TBC1D31: variants seen among roughly 807,000 people sequenced by gnomAD.
TBC1D31 encodes TBC1 domain family member 31, also known as WD repeat domain 67.
A neutral mutation model predicts 132.9 loss-of-function variants in TBC1D31; 99 were observed. That is an observed-to-expected ratio of 0.74 (90% CI 0.63 to 0.88). TBC1D31 has a LOEUF of 0.88. TBC1D31 is among the 40% of genes least tolerant of loss of function. The pLI, the probability that TBC1D31 is intolerant of heterozygous loss-of-function variation, is 0.00. For missense variants in TBC1D31, 1,134 were observed against 1,256.6 expected, an observed-to-expected ratio of 0.90 and a Z score of 1.48; for synonymous variants, 385 against 419.4, an observed-to-expected ratio of 0.92 and a Z score of 1.00.
At chr8:123,139,722 C>G (rs531539610) in intron 17 of TBC1D31, among the ~76,000 whole-genome samples, 54 of 152,278 alleles carry the variant, frequency 3.5e-4, no homozygotes, top group African/African-American at 1.2e-3. Flanking sequence ...TTCCAGGAAC[C>G]TATCAGCTTT....
chr8:123,075,774 CTATTGT>C (rs1814447764), intron 1 of TBC1D31, among the ~76,000 whole-genome samples: 1 of 151,894 alleles, frequency 6.6e-6, no homozygotes, highest in Non-Finnish European at 1.5e-5. Context: ...TGATTAAAAA[CTATTGT>C]TGCAATAAAG....
Position 123,120,200 on chromosome 8 carries a change from C to A in TBC1D31, c.1570+12C>A. 6.3e-7 allele frequency: 1 copy of A among 1,585,490 alleles called. No individual in the cohort carries two copies. On this transcript the variant is annotated intron_variant, in intron 11 of 21. Transcript: ENST00000287380. ...TGCTACTCTCATAAGTAAGTAAATA[C>A]TTGTTAAAGTATAAGATCAAGAATG...
At chr8:123,106,241 G>T (rs899252473) in intron 8 of TBC1D31, among the ~76,000 whole-genome samples, 1 of 152,134 alleles carries the variant, frequency 6.6e-6, no homozygotes, top group African/African-American at 2.4e-5. Flanking sequence ...ATTGCACACC[G>T]TTCTGAGTAG....
At position 123,077,223 on chromosome 8, in the gene TBC1D31, G is replaced by A. The variant is rs1814620193; in HGVS notation, c.190G>A (p.Gly64Arg). The change falls in exon 2 of 22, where the codon GGA (glycine) becomes AGA (arginine). Residue 64 changes from glycine (G) to arginine (R), a missense_variant. By Grantham distance (125) the Gly-to-Arg change is moderately radical. Transcript: ENST00000287380. ...CTGCTTAATTGCTGGGGACCACCAA[G>A]GAAATATTTATGTTTTTGACTTACA... The part of the protein sequence containing the change: ...GDCLIAGDHQ[G>R]NIYVFDLHGN... 2 of 1,612,074 alleles carry A rather than the reference G, an allele frequency of 1.2e-6. No individual in the cohort carries two copies. The highest frequency in any genetic ancestry group is 4.5e-5 in the East Asian group (2 of 44,762).
chr8:123,119,754 C>T (rs775082160), intron 10 of TBC1D31, among the ~76,000 whole-genome samples: 7 of 152,166 alleles, frequency 4.6e-5, no homozygotes, highest in Admixed American at 1.3e-4. Flanking sequence ...TGTATCGGTA[C>T]GAAGCTATCA....
Position 123,152,076 on chromosome 8 carries a change from TATTTA to T in TBC1D31, c.*141_*145del, listed in dbSNP as rs1413374332. 2.4e-6 allele frequency: 2 copies of T among 836,144 alleles called. No homozygotes were observed. Among genetic ancestry groups the T allele is most frequent in the Admixed American group, 4.2e-5 (1 of 24,064 alleles). The allele number at this position is 836,144 out of a possible 1,614,324, so 51.8% of individuals were successfully genotyped here. ...AAATGTGTCTATAAAAATTATGTGT[TATTTA>T]ATTCTGATACTTTTTGGCTTGTAAA... On this transcript the variant is annotated 3_prime_UTR_variant, in exon 22 of 22. Coordinates refer to ENST00000287380, the MANE Select transcript of TBC1D31 (RefSeq NM_145647.4).
In TBC1D31 at chr8:123,077,178, G is replaced by A. The variant is rs1563662411; in HGVS notation, c.145G>A (p.Ala49Thr). Reference sequence around the variant, plus strand: ...AAAAGTTTTGCGATTTTTGAATGTGGCTTTTGATGGCACAGGCGACTGCTT... The same window carrying A: ...AAAAGTTTTGCGATTTTTGAATGTGACTTTTGATGGCACAGGCGACTGCTT... ...HPKVLRFLNV[A>T]FDGTGDCLIA... The change falls in exon 2 of 22, where the codon GCT becomes ACT. Residue 49 changes from alanine to threonine, a missense_variant. Ala to Thr is a moderately conservative substitution (Grantham distance 58, BLOSUM62 0). Transcript: ENST00000287380. 1 of 1,612,830 alleles carries A rather than the reference G, an allele frequency of 6.2e-7. No homozygotes were observed. Among genetic ancestry groups the A allele is most frequent in the Non-Finnish European group, 8.5e-7 (1 of 1,179,522 alleles).
rs999972229 is a variant in TBC1D31, at chr8:123,152,125, A to G, written c.*186A>G. On this transcript the variant is annotated 3_prime_UTR_variant, in exon 22 of 22. Transcript: ENST00000287380. ...TTGTAAATGGCTTCTTGAACTTTTT[A>G]CAATAAAAATGTTTTAGAAACTGTT... 1.4e-5 allele frequency: 7 copies of G among 498,796 alleles called. No individual in the cohort carries two copies. In the East Asian group the frequency reaches 2.5e-4, roughly 18 times the overall value. 30.9% of individuals were successfully genotyped at this position (498,796 alleles called of 1,614,324 possible). A position where few individuals can be genotyped will look rare whatever the true frequency, so the allele number is the denominator to read the frequency against.
chr8:123,159,082 G>A, the TBC1D31 span, among the ~76,000 whole-genome samples: 2 of 152,228 alleles, frequency 1.3e-5, no homozygotes, highest in Non-Finnish European at 2.9e-5. Context: ...CCTAGATCCA[G>A]CTGTTTCTCC....
rs1249613847 is a variant in TBC1D31, at chr8:123,102,058, A to G, written c.1032+1051A>G. ...CATTATCCCCATAGACACCATCCTT[A>G]TTTCTGCATCTATTATCCACACCAT... On this transcript the variant is annotated intron_variant, in intron 7 of 21. Transcript: ENST00000287380. Among the ~76,000 whole-genome samples, 6 of 151,974 alleles carry G rather than the reference A, an allele frequency of 3.9e-5. No individual in the cohort carries two copies. In the East Asian group the frequency reaches 9.6e-4, roughly 24 times the overall value.
the TBC1D31 span, among the ~76,000 whole-genome samples, chr8:123,158,126 C>T: frequency 0.027 from 4,109 of 151,484 alleles, 208 homozygotes; most frequent in African/African-American, 0.094. Context: ...CCTTTCACTC[C>T]CCTCCCCTTC....
chr8:123,162,075 T>C, the TBC1D31 span, among the ~76,000 whole-genome samples: 9 of 146,766 alleles, frequency 6.1e-5, no homozygotes, highest in Admixed American at 6.1e-4. Context: ...ATGGATTCCA[T>C]ACAAACCAAA....
chr8:123,145,692 TA>T (rs11434734), intron 20 of TBC1D31, among the ~76,000 whole-genome samples: 360 of 141,388 alleles, frequency 2.5e-3, no homozygotes, highest in Middle Eastern at 7.1e-3. Flanking sequence ...CCTGTCTCTT[TA>T]AAAAAAAAAA....
intron 20 of TBC1D31, among the ~76,000 whole-genome samples, chr8:123,149,138 C>T (rs943299660): frequency 7.2e-5 from 11 of 152,220 alleles, no homozygotes; most frequent in African/African-American, 9.7e-5. Context: ...TCCGCAGAAA[C>T]CGTTCTCTGG....
chr8:123,081,977 TTTC>T (rs1286104515), intron 2 of TBC1D31, among the ~76,000 whole-genome samples: 1 of 152,226 alleles, frequency 6.6e-6, no homozygotes, highest in Non-Finnish European at 1.5e-5. Context: ...ATTTTACCTG[TTTC>T]TTCTTACTTT....
Position 123,116,573 on chromosome 8 carries a change from A to T in TBC1D31, c.1437-3482A>T, listed in dbSNP as rs1367431088. Among the ~76,000 whole-genome samples, 3 of 152,350 alleles carry T rather than the reference A, an allele frequency of 2.0e-5. No homozygotes were observed. In the East Asian group the frequency reaches 5.8e-4, roughly 29 times the overall value. On this transcript the variant is annotated intron_variant, in intron 10 of 21. Transcript: ENST00000287380. ...GAATATAGATATGCATGTATGCAGG[A>T]GTTAGTATACATGCATATATTGCCA...
chr8:123,088,812 C>G (rs1054204821), intron 4 of TBC1D31, among the ~76,000 whole-genome samples: 1 of 152,048 alleles, frequency 6.6e-6, no homozygotes, highest in Non-Finnish European at 1.5e-5. Flanking sequence ...TTTCTCATGA[C>G]ATTAATTTTC....
At chr8:123,076,002 T>C (rs190538460) in intron 1 of TBC1D31, among the ~76,000 whole-genome samples, 121 of 152,360 alleles carry the variant, frequency 7.9e-4, no homozygotes, top group Admixed American at 6.5e-3. Context: ...GTCTAAAAGA[T>C]AGAAAAGTAG....
chr8:123,074,590 A>C (rs1161757498), intron 1 of TBC1D31, among the ~76,000 whole-genome samples: 1 of 152,238 alleles, frequency 6.6e-6, no homozygotes, highest in Admixed American at 6.5e-5. Flanking sequence ...TGATGATACA[A>C]AATATCTAGA....
Sources: allele counts gnomAD v4.1 joint callset (sites outside exome capture counted in the v4.1 genomes callset), GRCh38; gene constraint gnomAD v4.1.1; transcripts MANE v1.5; gene names NCBI Gene and HGNC (gene_info 2026-07-23, HGNC 2026-07-21).